GPR158: variants seen among roughly 807,000 people sequenced by gnomAD.
The protein encoded by GPR158 is G protein-coupled receptor 158.
GPR158 carries 30 observed loss-of-function variants against 78.2 expected under a neutral mutation model. That is an observed-to-expected ratio of 0.38 (90% CI 0.29 to 0.52). The LOEUF is 0.52. Ranked by LOEUF, GPR158 falls within the 20% of genes least tolerant of loss-of-function variation. The probability of loss-of-function intolerance (pLI) is 0.83; values close to 1 mark genes in which losing one functional copy is unlikely to be tolerated. For missense variants in GPR158, 1,463 were observed against 1,523.5 expected, an observed-to-expected ratio of 0.96 and a Z score of 0.66; for synonymous variants, 581 against 591.1, an observed-to-expected ratio of 0.98 and a Z score of 0.25.
chr10:25,241,497 T>A (rs1338066761), intron 2 of GPR158, among the ~76,000 whole-genome samples: 1 of 149,858 alleles, frequency 6.7e-6, no homozygotes, highest in Non-Finnish European at 1.5e-5. Flanking sequence ...CTCGGCTCAC[T>A]GCAACCTCTG....
At chr10:25,322,883 G>A (rs916421273) in intron 2 of GPR158, among the ~76,000 whole-genome samples, 4 of 152,024 alleles carry the variant, frequency 2.6e-5, no homozygotes, top group African/African-American at 9.7e-5. Flanking sequence ...GTCTCGCTCT[G>A]TCACCCAGGC....
At position 25,597,872 on chromosome 10, in the gene GPR158, G is replaced by A. The variant is rs1393478821; in HGVS notation, c.2246G>A (p.Gly749Asp). ...HLQKKRCSKK[G>D]LGRSIMRRIT... is the part of the protein sequence containing the mutation. The stretch of plus-strand genomic sequence containing the variant: ...CAGAAAAAGCGGTGCTCGAAGAAGG[G>A]CCTAGGTCGTTCCATCATGAGACGC... The change falls in exon 11 of 11, where the codon GGC becomes GAC. Residue 749 changes from glycine (G) to aspartate (D), a missense_variant. Transcript: ENST00000376351. The A allele has an allele frequency of 1.3e-6, 2 of 1,598,346 alleles. No individual in the cohort carries two copies. Among genetic ancestry groups the A allele is most frequent in the Non-Finnish European group, 1.7e-6 (2 of 1,173,642 alleles).
At chr10:25,502,619 T>A (rs1310210268) in intron 5 of GPR158, among the ~76,000 whole-genome samples, 1 of 151,976 alleles carries the variant, frequency 6.6e-6, no homozygotes, top group Non-Finnish European at 1.5e-5. Context: ...TTGCAAAAAG[T>A]ACAATGAGCA....
chr10:25,211,042 G>T (rs1340440732), intron 1 of GPR158, among the ~76,000 whole-genome samples: 1 of 151,822 alleles, frequency 6.6e-6, no homozygotes, highest in Non-Finnish European at 1.5e-5. Flanking sequence ...TGAGGCAGGA[G>T]AATCGCTTAA....
intron 3 of GPR158, among the ~76,000 whole-genome samples, chr10:25,411,711 G>A (rs995170359): frequency 6.6e-6 from 1 of 151,840 alleles, no homozygotes; most frequent in Non-Finnish European, 1.5e-5. Context: ...AGAGATGGGC[G>A]GATCACAAGG....
intron 4 of GPR158, among the ~76,000 whole-genome samples, chr10:25,464,235 T>A (rs79175186): frequency 0.035 from 5,303 of 152,200 alleles, 317 homozygotes; most frequent in African/African-American, 0.12. Context: ...TACTGTTATG[T>A]GGTGGTGATG....
chr10:25,491,452 A>G (rs1389765465), intron 5 of GPR158, among the ~76,000 whole-genome samples: 1 of 152,230 alleles, frequency 6.6e-6, no homozygotes, highest in East Asian at 1.9e-4. Context: ...AGAATGAAGT[A>G]TAAGCCTTTG....
chr10:25,299,933 T>G (rs1301396968), intron 2 of GPR158, among the ~76,000 whole-genome samples: 3 of 152,152 alleles, frequency 2.0e-5, no homozygotes, highest in Admixed American at 1.3e-4. Context: ...TTCAAGTGAT[T>G]CTCATGCTTC....
intron 1 of GPR158, among the ~76,000 whole-genome samples, chr10:25,200,593 TG>T (rs745500231): frequency 2.0e-5 from 3 of 152,152 alleles, no homozygotes; most frequent in Admixed American, 6.5e-5. Flanking sequence ...ATATCCAGAA[TG>T]ATATTTCCTG....
chr10:25,550,837 C>A, intron 5 of GPR158, 139 bp from the exon 6 acceptor site: 1 of 611,650 alleles, frequency 1.6e-6, no homozygotes, highest in Non-Finnish European at 3.0e-6. Context: ...AATAAATGGT[C>A]AAAATAGTAT....
intron 2 of GPR158, among the ~76,000 whole-genome samples, chr10:25,256,054 T>C (rs566553754): frequency 6.6e-4 from 100 of 152,216 alleles, no homozygotes; most frequent in African/African-American, 2.0e-3. Context: ...GAGTTACAGG[T>C]GTATCAGTGA....
chr10:25,338,478 TAATATACGTATA>T (rs1855250254), intron 2 of GPR158, among the ~76,000 whole-genome samples: 1 of 131,944 alleles, frequency 7.6e-6, no homozygotes, highest in African/African-American at 3.3e-5. Flanking sequence ...ATTATACGTA[TAATATACGTATA>T]ATATACGTAT....
intron 2 of GPR158, among the ~76,000 whole-genome samples, chr10:25,355,946 G>A (rs1855544186): frequency 6.6e-6 from 1 of 152,024 alleles, no homozygotes; most frequent in South Asian, 2.1e-4. Flanking sequence ...ATCCAGGGCT[G>A]GGTATGGTGG....
rs377172000 is a variant in GPR158, at chr10:25,176,635, T to C, written c.902+313T>C. Among the ~76,000 whole-genome samples, 1 of 152,178 alleles carries C rather than the reference T, an allele frequency of 6.6e-6. No individual in the cohort carries two copies. Among genetic ancestry groups the C allele is most frequent in the African/African-American group, 2.4e-5 (1 of 41,458 alleles). ...CCCGCTGCTCTGTGCTTCCCTCCAA[T>C]TGTCCGGAGAGCAGGGAGGGGCGTT... On this transcript the variant is annotated intron_variant, in intron 1 of 10. Transcript: ENST00000376351. This position sits in a 1 kb window ranked among gnomAD's most constrained non-coding sequence, Gnocchi z 6.3.
At chr10:25,573,742 A>G (rs1009656062) in intron 7 of GPR158, among the ~76,000 whole-genome samples, 1 of 152,114 alleles carries the variant, frequency 6.6e-6, no homozygotes, top group Non-Finnish European at 1.5e-5. Context: ...TGTCTCCCTC[A>G]TATTTTGCAG....
chr10:25,415,639 C>A (rs1329590244), intron 4 of GPR158, among the ~76,000 whole-genome samples: 1 of 152,224 alleles, frequency 6.6e-6, no homozygotes, highest in African/African-American at 2.4e-5. Flanking sequence ...AGCAATTCCA[C>A]TCCCAGTATA....
Position 25,598,514 on chromosome 10 carries a change from C to T in GPR158, c.2888C>T (p.Pro963Leu). Reference protein sequence around the residue: ...TKDPAPQNSNPAEEPRKPQKS... With the variant: ...TKDPAPQNSNLAEEPRKPQKS... ...GATCCTGCCCCCCAAAACTCAAATC[C>T]TGCGGAGGAGCCAAGAAAGCCTCAG... is the stretch of plus-strand genomic sequence containing the variant. The change falls in exon 11 of 11, where the codon CCT becomes CTT. Residue 963 changes from proline to leucine, a missense_variant. Transcript: ENST00000376351. 6.2e-7 allele frequency: 1 copy of T among 1,613,168 alleles called. No homozygotes were observed. Among genetic ancestry groups the T allele is most frequent in the Non-Finnish European group, 8.5e-7 (1 of 1,179,780 alleles).
intron 2 of GPR158, among the ~76,000 whole-genome samples, chr10:25,334,322 A>T (rs1855168194): frequency 6.6e-6 from 1 of 152,114 alleles, no homozygotes; most frequent in African/African-American, 2.4e-5. Flanking sequence ...TGGAACAATT[A>T]TTAAAATAAC....
chr10:25,372,159 TACCATCTCATACTGGTTAGAATGGCAATC>T (rs1220613347), intron 2 of GPR158, among the ~76,000 whole-genome samples: 3 of 151,760 alleles, frequency 2.0e-5, no homozygotes, highest in African/African-American at 4.8e-5. Flanking sequence ...CACAATGAGA[TACCATCTCATACTGGTTAGAATGGCAATC>T]ATTAAAAAGT....
Sources: gnomAD v4.1 joint callset for allele counts (sites outside exome capture counted in the v4.1 genomes callset) on GRCh38, gnomAD v4.1.1 for gene constraint, Gnocchi (gnomAD v3.1) non-coding constraint, MANE v1.5 for transcripts, NCBI Gene and HGNC (gene_info 2026-07-23, HGNC 2026-07-21) for gene names.